Variants in CNTN4 observed in about 807,000 individuals in gnomAD.
The protein encoded by CNTN4 is contactin-4.
Under a neutral mutation model 122.5 loss-of-function variants are expected in CNTN4, and 77 were observed. The observed-to-expected ratio is 0.63, with a 90% confidence interval of 0.52 to 0.76. The LOEUF is 0.76. Ranked by LOEUF, CNTN4 falls within the 30% of genes least tolerant of loss-of-function variation. The pLI is 0.00. For synonymous variants in CNTN4, 512 were observed against 447.0 expected, an observed-to-expected ratio of 1.15 and a Z score of -1.83; for missense variants, 1,256 against 1,259.1, an observed-to-expected ratio of 1.00 and a Z score of 0.04.
chr3:2,700,681 C>G (rs558078331), intron 4 of CNTN4, among the ~76,000 whole-genome samples: 8 of 151,788 alleles, frequency 5.3e-5, no homozygotes, highest in Admixed American at 2.0e-4. Flanking sequence ...ATTTTATCAT[C>G]TATATGGATC....
intron 2 of CNTN4, among the ~76,000 whole-genome samples, chr3:2,122,583 T>C (rs1394673257): frequency 1.3e-5 from 2 of 152,246 alleles, no homozygotes; most frequent in African/African-American, 4.8e-5. Context: ...TGTAAACATG[T>C]GTGATTATAT....
chr3:2,840,497 G>A (rs1012429391), intron 7 of CNTN4, among the ~76,000 whole-genome samples: 19 of 139,816 alleles, frequency 1.4e-4, no homozygotes, highest in East Asian at 4.3e-4. Flanking sequence ...TCAGGAGATC[G>A]AGACCATCCT....
At chr3:2,265,966 G>C (rs928835344) in intron 2 of CNTN4, among the ~76,000 whole-genome samples, 2 of 151,938 alleles carry the variant, frequency 1.3e-5, no homozygotes, top group Non-Finnish European at 2.9e-5. Flanking sequence ...AGAGTTTTTC[G>C]TGGAGTCTTT....
chr3:2,458,108 G>A (rs886089116), intron 3 of CNTN4, among the ~76,000 whole-genome samples: 1 of 152,108 alleles, frequency 6.6e-6, no homozygotes, highest in African/African-American at 2.4e-5. Flanking sequence ...TATGGAGACT[G>A]TATACAAGTC....
chr3:2,866,508 C>T lies in CNTN4; in HGVS notation c.455-244C>T, dbSNP rs934005676. The T allele has an allele frequency of 2.3e-6, 3 of 1,326,818 alleles. No individual in the cohort carries two copies. In the South Asian group the frequency reaches 4.7e-5, roughly 21 times the overall value. 82.2% of individuals were successfully genotyped at this position (1,326,818 alleles called of 1,614,324 possible). On this transcript the variant is annotated intron_variant, in intron 7 of 24. Coordinates refer to ENST00000418658, the MANE Select transcript of CNTN4 (RefSeq NM_175607.3). ...TAGCCCTTGACTTAAAGAGGTTGGACATCGCTTAATCAGCTATCAGTGTAT... is the reference window on the plus strand; with the variant it reads ...TAGCCCTTGACTTAAAGAGGTTGGATATCGCTTAATCAGCTATCAGTGTAT...
At chr3:2,468,969 A>T (rs1019114918) in intron 3 of CNTN4, among the ~76,000 whole-genome samples, 1 of 152,214 alleles carries the variant, frequency 6.6e-6, no homozygotes, top group Non-Finnish European at 1.5e-5. Context: ...GTCAAAGTAC[A>T]TAAGCATCTG....
intron 2 of CNTN4, among the ~76,000 whole-genome samples, chr3:2,129,594 G>A (rs1346922340): frequency 1.3e-5 from 2 of 151,808 alleles, no homozygotes; most frequent in African/African-American, 4.8e-5. Flanking sequence ...AAAAACAGAT[G>A]CTCTCTGAAA....
intron 3 of CNTN4, among the ~76,000 whole-genome samples, chr3:2,502,116 C>T (rs910041326): frequency 6.6e-6 from 1 of 152,030 alleles, no homozygotes; most frequent in Non-Finnish European, 1.5e-5. Context: ...ACACCTCTGG[C>T]CCCAAGCATT....
chr3:2,705,816 A>ATTTGTT (rs1559409010), intron 4 of CNTN4, among the ~76,000 whole-genome samples: 46 of 106,932 alleles, frequency 4.3e-4, no homozygotes, highest in African/African-American at 1.6e-3. Context: ...TAATATATAT[A>ATTTGTT]ATATATAATA....
chr3:2,670,300 GGATA>G (rs1319612884), intron 4 of CNTN4, among the ~76,000 whole-genome samples: 13 of 152,214 alleles, frequency 8.5e-5, no homozygotes, highest in African/African-American at 3.1e-4. Flanking sequence ...TATATATTTA[GGATA>G]GTTAGCTCTT....
In CNTN4 at chr3:2,505,218, A is replaced by G. The variant is rs568688921; in HGVS notation, c.-88-66198A>G. Among the ~76,000 whole-genome samples, 5 of 152,324 alleles carry G rather than the reference A, an allele frequency of 3.3e-5. No homozygotes were observed. The South Asian group carries it at 8.3e-4, about 25-fold the overall frequency. On this transcript the variant is annotated intron_variant, in intron 3 of 24. Transcript: ENST00000418658. The stretch of plus-strand genomic sequence containing the variant: ...GATGTCTGCTATTTTCACTCAAATG[A>G]CTTTCTAAAAATGAGTATGACAGAG...
At chr3:2,656,846 G>A (rs910447739) in intron 4 of CNTN4, among the ~76,000 whole-genome samples, 3 of 152,138 alleles carry the variant, frequency 2.0e-5, no homozygotes, top group African/African-American at 7.2e-5. Context: ...TTTTCCTGTG[G>A]TGGAAGGACT....
At chr3:2,125,896 T>G (rs1054830352) in intron 2 of CNTN4, among the ~76,000 whole-genome samples, 1 of 128,466 alleles carries the variant, frequency 7.8e-6, no homozygotes, top group Admixed American at 7.3e-5. Flanking sequence ...TTATTTCTGG[T>G]GTGTGTGTGT....
intron 4 of CNTN4, among the ~76,000 whole-genome samples, chr3:2,647,638 A>G (rs1456132511): frequency 6.6e-6 from 1 of 152,186 alleles, no homozygotes; most frequent in Non-Finnish European, 1.5e-5. Flanking sequence ...ATACACATAC[A>G]AATTACCTAA....
In CNTN4 at chr3:2,673,416, G is replaced by T. The variant is rs73112550; in HGVS notation, c.56-62799G>T. 3.5e-3 allele frequency among the ~76,000 whole-genome samples: 537 copies of T among 152,236 alleles called. 5 individuals carry two copies. Among genetic ancestry groups the T allele is most frequent in the African/African-American group, 0.011 (472 of 41,546 alleles). On this transcript the variant is annotated intron_variant, in intron 4 of 24. Transcript: ENST00000418658. ...GAAATGCACACTCCTTTGCAATGTG[G>T]CTTTCCTGCTCTTCCCATCAATAGG...
At chr3:3,003,057 C>T (rs562596211) in intron 14 of CNTN4, among the ~76,000 whole-genome samples, 2 of 152,244 alleles carry the variant, frequency 1.3e-5, no homozygotes, top group South Asian at 4.2e-4. Context: ...GAACTGATGA[C>T]ATTGATTTTA....
At chr3:2,835,294 T>C (rs567279203) in intron 7 of CNTN4, among the ~76,000 whole-genome samples, 9 of 152,276 alleles carry the variant, frequency 5.9e-5, no homozygotes, top group Non-Finnish European at 1.2e-4. Flanking sequence ...CATAGAGTCA[T>C]AGTATATAAA....
chr3:2,377,168 A>T (rs952192047), intron 3 of CNTN4, among the ~76,000 whole-genome samples: 2 of 152,212 alleles, frequency 1.3e-5, no homozygotes, highest in Non-Finnish European at 2.9e-5. Context: ...GAAAAAAAAA[A>T]AAAAAAGAAA....
intron 12 of CNTN4, among the ~76,000 whole-genome samples, chr3:2,917,503 G>A (rs9878142): frequency 6.6e-6 from 1 of 152,006 alleles, no homozygotes; most frequent in Non-Finnish European, 1.5e-5. Context: ...CTGGAATTCT[G>A]CATTTCTAAC....
Sources: allele counts gnomAD v4.1 joint callset (sites outside exome capture counted in the v4.1 genomes callset), GRCh38; gene constraint gnomAD v4.1.1; transcripts MANE v1.5; gene names NCBI Gene and HGNC (gene_info 2026-07-23, HGNC 2026-07-21).